The following MATN2 variants were observed in gnomAD, a reference collection of about 807,000 sequenced individuals.
The protein encoded by MATN2 is matrilin-2.
In MATN2, 69 loss-of-function variants were observed where a neutral mutation model predicts 103.2. The ratio of observed to expected loss-of-function variants is 0.67; its 90% confidence interval spans 0.55 to 0.82. The LOEUF (loss-of-function observed/expected upper bound fraction) is 0.82, where lower values mean the gene tolerates loss of function less well. Among genes scored for constraint, MATN2 ranks in the 40% least tolerant of loss-of-function variants. MATN2 has a pLI of 0.00. For synonymous variants in MATN2, 429 were observed against 450.2 expected (o/e 0.95, Z 0.60); for missense variants, 1,023 against 1,211.5 (o/e 0.84, Z 2.31).
intron 4 of MATN2, among the ~76,000 whole-genome samples, chr8:97,957,393 T>C (rs1016473717): frequency 1.3e-5 from 2 of 152,264 alleles, no homozygotes; most frequent in Non-Finnish European, 2.9e-5. Flanking sequence ...ACAGCAAAGT[T>C]GTTTTGTCAG....
chr8:98,028,037 T>C (rs901868233), intron 14 of MATN2, among the ~76,000 whole-genome samples: 1 of 152,170 alleles, frequency 6.6e-6, no homozygotes, highest in African/African-American at 2.4e-5. Flanking sequence ...GGAAGGAGTC[T>C]GGCTACTAGA....
chr8:98,015,347 A>G (rs1813321355), intron 10 of MATN2, among the ~76,000 whole-genome samples: 1 of 152,034 alleles, frequency 6.6e-6, no homozygotes, highest in African/African-American at 2.4e-5. Flanking sequence ...ACTGCTCAAA[A>G]CACTGCAGTG....
chr8:98,016,412 A>G, intron 10 of MATN2, 128 bp from the exon 11 acceptor site: 1 of 795,198 alleles, frequency 1.3e-6, no homozygotes, highest in East Asian at 2.8e-5. Flanking sequence ...TTATATTCTG[A>G]AATGTGTACT....
intron 3 of MATN2, among the ~76,000 whole-genome samples, chr8:97,941,138 G>A (rs540532040): frequency 8.9e-4 from 101 of 113,808 alleles, no homozygotes; most frequent in African/African-American, 3.3e-3. Context: ...CTCCAGCCTG[G>A]AAGACAGAGC....
chr8:97,882,651 C>T (rs937168104), intron 1 of MATN2, among the ~76,000 whole-genome samples: 3 of 152,170 alleles, frequency 2.0e-5, no homozygotes, highest in Admixed American at 6.5e-5. Flanking sequence ...TTACCTTGAC[C>T]TACCAAAGTT....
rs540859091 is a variant in MATN2, at chr8:98,000,141, A to G, written c.1205-3520A>G. Among the ~76,000 whole-genome samples, 3 of 151,716 alleles carry G rather than the reference A, an allele frequency of 2.0e-5. No individual in the cohort carries two copies. The East Asian group carries it at 5.9e-4, about 30-fold the overall frequency. On this transcript the variant is annotated intron_variant, in intron 7 of 18. Coordinates refer to ENST00000254898, the MANE Select transcript of MATN2 (RefSeq NM_002380.5). Reference sequence around the variant, plus strand: ...AGTGATCCATCCGCCTCAGCCTTCCAAAGTGCTGGGATACAGGCATGAGCC... The same window carrying G: ...AGTGATCCATCCGCCTCAGCCTTCCGAAGTGCTGGGATACAGGCATGAGCC...
Position 98,024,276 on chromosome 8 carries a change from G to A in MATN2, c.1942+2949G>A, listed in dbSNP as rs191712490. ...TCCCGGCACCTTGAGAGGCCGAAGC[G>A]GGCGGATCACCTGAGGTCAGGAGTT... is the stretch of plus-strand genomic sequence containing the variant. On this transcript the variant is annotated intron_variant, in intron 13 of 18. Transcript: ENST00000254898. Among the ~76,000 whole-genome samples, 259 of 152,256 alleles carry A rather than the reference G, an allele frequency of 1.7e-3. 1 individual carries two copies. Among genetic ancestry groups the A allele is most frequent in the Non-Finnish European group, 2.8e-3 (189 of 68,018 alleles).
At chr8:98,004,286 CAA>C (rs60031012) in intron 8 of MATN2, 9,194 of 138,508 alleles carry the variant, frequency 0.066, 845 homozygotes, top group African/African-American at 0.21. Context: ...AACTTCATCT[CAA>C]AAAAAAAAAA....
At chr8:97,963,502 T>C (rs1387048525) in intron 5 of MATN2, among the ~76,000 whole-genome samples, 1 of 152,204 alleles carries the variant, frequency 6.6e-6, no homozygotes, top group African/African-American at 2.4e-5. Flanking sequence ...CCGTGTGTAG[T>C]AGAGAACCTT....
At chr8:97,890,177 G>T (rs750214507) in intron 2 of MATN2, among the ~76,000 whole-genome samples, 1 of 152,108 alleles carries the variant, frequency 6.6e-6, no homozygotes, top group Non-Finnish European at 1.5e-5. Context: ...TATGAAAATG[G>T]TGGAGTGGGC....
At chr8:97,968,978 C>T (rs1811568870) in intron 5 of MATN2, among the ~76,000 whole-genome samples, 1 of 152,226 alleles carries the variant, frequency 6.6e-6, no homozygotes, top group Non-Finnish European at 1.5e-5. Flanking sequence ...TTAATTGGCT[C>T]ACAGTTCTGC....
intron 2 of MATN2, among the ~76,000 whole-genome samples, chr8:97,896,544 G>C (rs1049819603): frequency 3.5e-5 from 5 of 141,274 alleles, no homozygotes; most frequent in Non-Finnish European, 6.2e-5. Flanking sequence ...GGTTCAGGCA[G>C]AACAGTGGGC....
chr8:97,939,320 C>T (rs772718336), intron 3 of MATN2, among the ~76,000 whole-genome samples: 28 of 152,080 alleles, frequency 1.8e-4, no homozygotes, highest in East Asian at 3.8e-4. Context: ...GAACACTAGA[C>T]GGCGCATCAC....
intron 3 of MATN2, among the ~76,000 whole-genome samples, chr8:97,935,472 C>G (rs897555735): frequency 8.5e-5 from 13 of 152,124 alleles, no homozygotes; most frequent in Admixed American, 8.5e-4. Context: ...TGTCCAAGGT[C>G]ACAAACCTGT....
chr8:97,923,320 GT>G (rs1278173717), intron 2 of MATN2, among the ~76,000 whole-genome samples: 1 of 152,002 alleles, frequency 6.6e-6, no homozygotes, highest in African/African-American at 2.4e-5. Context: ...GCTTCATAGT[GT>G]TTTGGGTCAC....
chr8:97,894,886 T>C (rs943974986), intron 2 of MATN2, among the ~76,000 whole-genome samples: 1 of 151,886 alleles, frequency 6.6e-6, no homozygotes, highest in Non-Finnish European at 1.5e-5. Context: ...CCCCCTTTTT[T>C]TTTTGAGACA....
At chr8:97,966,531 A>C (rs1268687075) in intron 5 of MATN2, among the ~76,000 whole-genome samples, 2 of 151,422 alleles carry the variant, frequency 1.3e-5, no homozygotes, top group Non-Finnish European at 1.5e-5. Flanking sequence ...GTGCCGCTGC[A>C]CTCTAGCCTG....
chr8:97,947,617 C>T (rs1810796587), intron 4 of MATN2, among the ~76,000 whole-genome samples: 1 of 151,832 alleles, frequency 6.6e-6, no homozygotes, highest in Non-Finnish European at 1.5e-5. Flanking sequence ...TAAAAAAAAC[C>T]TAAATAAATG....
At chr8:97,900,046 A>G (rs1235415439) in intron 2 of MATN2, among the ~76,000 whole-genome samples, 1 of 152,212 alleles carries the variant, frequency 6.6e-6, no homozygotes, top group Non-Finnish European at 1.5e-5. Context: ...ATGGGACAGG[A>G]GTGCAATCTA....
Sources: allele counts gnomAD v4.1 joint callset (sites outside exome capture counted in the v4.1 genomes callset), GRCh38; gene constraint gnomAD v4.1.1; transcripts MANE v1.5; gene names NCBI Gene and HGNC (gene_info 2026-07-23, HGNC 2026-07-21).